The following ATXN7 variants were observed in gnomAD, a reference collection of about 807,000 sequenced individuals.
The protein encoded by ATXN7 is ataxin-7.
In ATXN7, 12 loss-of-function variants were observed where a neutral mutation model predicts 70.5. That is an observed-to-expected ratio of 0.17 (90% confidence interval 0.11 to 0.28). The LOEUF (loss-of-function observed/expected upper bound fraction) is 0.28. Among genes scored for constraint, ATXN7 ranks in the 10% least tolerant of loss-of-function variants. The pLI, the probability that ATXN7 is intolerant of heterozygous loss-of-function variation, is 1.00. For missense variants in ATXN7, 1,256 were observed against 1,131.7 expected (o/e 1.11, Z -1.58); for synonymous variants, 498 against 448.7 (o/e 1.11, Z -1.39).
chr3:63,866,829 C>T (rs940453432), intron 1 of ATXN7: 3 of 152,142 alleles, frequency 2.0e-5, no homozygotes, highest in African/African-American at 7.2e-5. Context: ...ACTAATGTTT[C>T]TTCTTTTCAA....
At chr3:63,954,741 C>G (rs1365464774) in intron 5 of ATXN7, among the ~76,000 whole-genome samples, 1 of 137,080 alleles carries the variant, frequency 7.3e-6, no homozygotes, top group African/African-American at 2.8e-5. Context: ...CGGAGTCTCG[C>G]TCTGTCACCC....
At chr3:63,907,523 G>A (rs1192646240) in intron 2 of ATXN7, among the ~76,000 whole-genome samples, 1 of 142,764 alleles carries the variant, frequency 7.0e-6, no homozygotes, top group Non-Finnish European at 1.5e-5. Flanking sequence ...ACAGTGGCAC[G>A]ATCTCAGTTC....
At chr3:63,987,597 C>T (rs2075598263) in intron 8 of ATXN7, among the ~76,000 whole-genome samples, 1 of 152,146 alleles carries the variant, frequency 6.6e-6, no homozygotes, top group Admixed American at 6.5e-5. Context: ...GTGGAAGTTA[C>T]TAAAAGAACA....
At chr3:63,988,425 G>A in intron 9 of ATXN7, 101 bp downstream of exon 9, 1 of 1,440,872 alleles carries the variant, frequency 6.9e-7, no homozygotes, top group Non-Finnish European at 9.5e-7. Flanking sequence ...CATATCTCAG[G>A]CTCACTGTGG....
chr3:63,995,605 G>A lies in ATXN7; in HGVS notation c.1783G>A (p.Ala595Thr). Residue 595 changes from alanine (A) to threonine (T), a missense_variant, in exon 12 of 13, where the codon GCA becomes ACA. Physicochemically the swap from Ala to Thr is moderately conservative, Grantham distance 58. Coordinates refer to ENST00000674280, the MANE Select transcript of ATXN7 (RefSeq NM_001377405.1). ...PTSQCGVSYL[A>T]AATVSTSPVL... ...ATCACAATGTGGAGTCAGCTATCTGGCAGCAGCCACCGTCTCTACATCCCC... is the reference window on the plus strand; with the variant it reads ...ATCACAATGTGGAGTCAGCTATCTGACAGCAGCCACCGTCTCTACATCCCC... 6.2e-7 allele frequency: 1 copy of A among 1,614,130 alleles called. No individual in the cohort carries two copies.
chr3:63,955,612 T>A (rs1312967926), intron 5 of ATXN7, among the ~76,000 whole-genome samples: 1 of 152,238 alleles, frequency 6.6e-6, no homozygotes, highest in African/African-American at 2.4e-5. Flanking sequence ...TCTTTTTTGT[T>A]GAAATTTTTA....
At chr3:63,892,120 C>A (rs1013717382) in intron 1 of ATXN7, among the ~76,000 whole-genome samples, 1 of 152,126 alleles carries the variant, frequency 6.6e-6, no homozygotes. Flanking sequence ...GAAAATTGTT[C>A]TTATTGGTAG....
chr3:63,963,630 C>A lies in ATXN7; in HGVS notation c.499+11147C>A, dbSNP rs1289727821. Among the ~76,000 whole-genome samples, 5 of 152,308 alleles carry A rather than the reference C, an allele frequency of 3.3e-5. No individual in the cohort carries two copies. In the East Asian group the frequency reaches 7.7e-4, roughly 24 times the overall value. On this transcript the variant is annotated intron_variant, in intron 5 of 12. Coordinates refer to ENST00000674280, the MANE Select transcript of ATXN7 (RefSeq NM_001377405.1). The stretch of plus-strand genomic sequence containing the variant: ...GGATCCTATTATGCACACTTCTGCT[C>A]CTTTTCTACTCAACAATACCTCATG...
At chr3:63,912,526 G>T in intron 2 of ATXN7, 62 bp from the exon 3 acceptor site, 1 of 1,043,148 alleles carries the variant, frequency 9.6e-7, no homozygotes, top group South Asian at 2.4e-5. Context: ...GGAACTCCCT[G>T]GCGCCTCCTT....
At chr3:63,924,066 G>T (rs1193874045) in intron 4 of ATXN7, among the ~76,000 whole-genome samples, 1 of 152,152 alleles carries the variant, frequency 6.6e-6, no homozygotes, top group Non-Finnish European at 1.5e-5. Context: ...CTTGGACTTT[G>T]CTAATGGCAG....
At chr3:63,923,559 C>T (rs1362352736) in intron 4 of ATXN7, among the ~76,000 whole-genome samples, 1 of 152,142 alleles carries the variant, frequency 6.6e-6, no homozygotes, top group Non-Finnish European at 1.5e-5. Context: ...GTAATCCTAG[C>T]ACTTTGGGAG....
intron 4 of ATXN7, among the ~76,000 whole-genome samples, chr3:63,917,074 C>A (rs1384318257): frequency 6.6e-6 from 1 of 152,060 alleles, no homozygotes. Flanking sequence ...CACCTGCCAC[C>A]ACGCCTGGCT....
chr3:63,889,800 G>A (rs1703200096), intron 1 of ATXN7, among the ~76,000 whole-genome samples: 1 of 152,186 alleles, frequency 6.6e-6, no homozygotes, highest in Admixed American at 6.5e-5. Flanking sequence ...TGTCAGGACA[G>A]ATTTTTATGA....
intron 4 of ATXN7, among the ~76,000 whole-genome samples, chr3:63,930,291 G>T (rs1274286294): frequency 6.6e-6 from 1 of 152,116 alleles, no homozygotes; most frequent in Non-Finnish European, 1.5e-5. Context: ...TTTGTGAAAA[G>T]GTAACTAGAG....
At chr3:63,960,940 G>T (rs2075118558) in intron 5 of ATXN7, among the ~76,000 whole-genome samples, 1 of 151,512 alleles carries the variant, frequency 6.6e-6, no homozygotes, top group African/African-American at 2.4e-5. Context: ...GCACTTTCCT[G>T]GGACTTCTCA....
At chr3:63,912,496 C>A in intron 2 of ATXN7, 92 bp from the exon 3 acceptor site, 6 of 864,154 alleles carry the variant, frequency 6.9e-6, no homozygotes, top group Non-Finnish European at 8.5e-6. Flanking sequence ...CCACCCGGTC[C>A]GCGGGCCGCG....
intron 4 of ATXN7, 76 bp downstream of exon 4, chr3:63,913,301 A>G (rs1704133069): frequency 6.9e-7 from 1 of 1,443,220 alleles, no homozygotes; most frequent in Non-Finnish European, 9.7e-7. Context: ...GACCGGGAAC[A>G]TCAGCCCACC....
intron 2 of ATXN7, among the ~76,000 whole-genome samples, chr3:63,902,653 A>G (rs1703683939): frequency 6.6e-6 from 1 of 152,152 alleles, no homozygotes; most frequent in African/African-American, 2.4e-5. Flanking sequence ...AGCTATAAAT[A>G]TAGCACCATA....
chr3:63,879,957 G>A (rs547062479), intron 1 of ATXN7, among the ~76,000 whole-genome samples: 57 of 151,844 alleles, frequency 3.8e-4, no homozygotes, highest in Non-Finnish European at 7.8e-4. Flanking sequence ...GTGGTGGCAC[G>A]TGCCTGTAAT....
Sources: allele counts gnomAD v4.1 joint callset (sites outside exome capture counted in the v4.1 genomes callset), GRCh38; gene constraint gnomAD v4.1.1; transcripts MANE v1.5; gene names NCBI Gene and HGNC (gene_info 2026-07-23, HGNC 2026-07-21).